KNTC1: variants seen among roughly 807,000 people sequenced by gnomAD.
The protein encoded by KNTC1 is kinetochore associated 1.
A neutral mutation model predicts 314.4 loss-of-function variants in KNTC1; 253 were observed. That is an observed-to-expected ratio of 0.80 (90% confidence interval 0.73 to 0.89). The LOEUF (loss-of-function observed/expected upper bound fraction) is 0.89, where lower values mean the gene tolerates loss of function less well. Among genes scored for constraint, KNTC1 ranks in the 40% least tolerant of loss-of-function variants. The pLI, the probability that KNTC1 is intolerant of heterozygous loss-of-function variation, is 0.00. For missense variants in KNTC1, 2,475 were observed against 2,572.9 expected (o/e 0.96, Z 0.82); for synonymous variants, 901 against 901.4 (o/e 1.00, Z 0.01).
intron 63 of KNTC1, among the ~76,000 whole-genome samples, chr12:122,625,154 C>T (rs978253359): frequency 3.3e-5 from 5 of 152,120 alleles, no homozygotes; most frequent in Admixed American, 6.6e-5. Flanking sequence ...CCTGTAATCC[C>T]AGCACTTTGG....
chr12:122,557,480 G>A lies in KNTC1; in HGVS notation c.1369G>A (p.Asp457Asn), dbSNP rs766666311. 1.2e-5 allele frequency: 19 copies of A among 1,613,584 alleles called. No homozygotes were observed. The highest frequency in any genetic ancestry group is 4.5e-5 in the East Asian group (2 of 44,880). ...EQTEWQQLVD[D>N]AKENLHKIQD... ...GACCGAATGGCAACAACTTGTAGAC[G>A]ACGCTAAGGAAAATCTACATAAGAT... The change falls in exon 17 of 64, where the codon GAC becomes AAC. Residue 457 changes from aspartate to asparagine, a missense_variant. Coordinates refer to ENST00000333479, the MANE Select transcript of KNTC1 (RefSeq NM_014708.6).
At chr12:122,604,499 A>T (rs1236438000) in intron 48 of KNTC1, 65 bp from the exon 49 acceptor site, 1 of 979,490 alleles carries the variant, frequency 1.0e-6, no homozygotes, top group Non-Finnish European at 1.5e-6. Flanking sequence ...ACCAAAATAC[A>T]TTTTCTTGAA....
At chr12:122,561,872 A>G (rs1295025460) in intron 18 of KNTC1, 49 bp from the exon 19 acceptor site, 11 of 1,444,664 alleles carry the variant, frequency 7.6e-6, no homozygotes, top group Non-Finnish European at 1.0e-5. Flanking sequence ...CATTTAGGAA[A>G]TAAACAGTAG....
rs1251886853 is a variant in KNTC1 at position 122,579,899 on chromosome 12, T to G, written c.2842-6T>G. ...ATTTTATTTCGCTTTATTTATTTATTTTTAGGGCAAGGCCTGGAGAATGTC... is the reference window on the plus strand; with the variant it reads ...ATTTTATTTCGCTTTATTTATTTATGTTTAGGGCAAGGCCTGGAGAATGTC... On this transcript the variant is annotated splice_region_variant and splice_polypyrimidine_tract_variant and intron_variant, in intron 31 of 63. Transcript: ENST00000333479. The G allele has an allele frequency of 3.8e-6, 6 of 1,598,230 alleles. No individual in the cohort carries two copies. In the Admixed American group the frequency reaches 1.0e-4, roughly 27 times the overall value.
At chr12:122,569,303 T>C (rs956563348) in intron 21 of KNTC1, among the ~76,000 whole-genome samples, 4 of 152,206 alleles carry the variant, frequency 2.6e-5, no homozygotes, top group African/African-American at 4.8e-5. Flanking sequence ...TTAAAATTGC[T>C]TGTCTCGATC....
At chr12:122,620,840 A>G (rs545947110) in intron 60 of KNTC1, among the ~76,000 whole-genome samples, 46 of 152,350 alleles carry the variant, frequency 3.0e-4, no homozygotes, top group African/African-American at 1.0e-3. Context: ...CAGTGGGGAA[A>G]CAAGTGATTA....
At chr12:122,546,517 C>A in intron 9 of KNTC1, 105 bp from the exon 10 acceptor site, 1 of 768,626 alleles carries the variant, frequency 1.3e-6, no homozygotes. Flanking sequence ...AAAATGGGAC[C>A]TAGTAATTAT....
rs371795435 is a variant in KNTC1, at chr12:122,610,875, T to C, written c.5597T>C (p.Phe1866Ser). ...ATTGATTATAGTTCAAGAATGCTGTTTGTATTTGCAACATCAACTACAACC... is the reference window on the plus strand; with the variant it reads ...ATTGATTATAGTTCAAGAATGCTGTCTGTATTTGCAACATCAACTACAACC... ...RPIDYSSRML[F>S]VFATSTTTTL... is the part of the protein sequence containing the mutation. Residue 1866 changes from phenylalanine to serine, a missense_variant, in exon 53 of 64, where the codon TTT becomes TCT. By Grantham distance (155) the Phe-to-Ser change is radical. Transcript: ENST00000333479. 5.8e-5 allele frequency: 94 copies of C among 1,613,234 alleles called. No individual in the cohort carries two copies. The highest frequency in any genetic ancestry group is 7.9e-5 in the Non-Finnish European group (93 of 1,179,374).
At chr12:122,585,421 G>A (rs150926687) in intron 36 of KNTC1, among the ~76,000 whole-genome samples, 1 of 152,152 alleles carries the variant, frequency 6.6e-6, no homozygotes, top group Non-Finnish European at 1.5e-5. Flanking sequence ...GGAAAACAAC[G>A]TAAGGGCATG....
Position 122,563,703 on chromosome 12 carries a change from A to C in KNTC1, c.1604+1004A>C, listed in dbSNP as rs982911635. 4 of 1,224,034 alleles carry C rather than the reference A, an allele frequency of 3.3e-6. No individual in the cohort carries two copies. The African/African-American group carries it at 6.3e-5, about 19-fold the overall frequency. The allele number at this position is 1,224,034 out of a possible 1,614,324, so 75.8% of individuals were successfully genotyped here. A position where few individuals can be genotyped will look rare whatever the true frequency, so the allele number is the denominator to read the frequency against. ...ATTGAGTAATAGCCATAAAAATTGG[A>C]TTTACTTATATTTTACTTAGTGAAA... On this transcript the variant is annotated intron_variant, in intron 20 of 63. Transcript: ENST00000333479.
chr12:122,549,915 C>A, intron 13 of KNTC1, 51 bp downstream of exon 13: 1 of 987,406 alleles, frequency 1.0e-6, no homozygotes, highest in Non-Finnish European at 1.6e-6. Context: ...TTTTCTTTAT[C>A]TGGTATCTAA....
intron 63 of KNTC1, among the ~76,000 whole-genome samples, chr12:122,625,545 C>T (rs1313730430): frequency 6.8e-6 from 1 of 147,840 alleles, no homozygotes; most frequent in Non-Finnish European, 1.5e-5. Flanking sequence ...CCAGCCTGGG[C>T]GACAAGAGCA....
At chr12:122,589,465 A>T (rs956694999) in intron 40 of KNTC1, among the ~76,000 whole-genome samples, 3 of 141,058 alleles carry the variant, frequency 2.1e-5, no homozygotes, top group Non-Finnish European at 3.0e-5. Context: ...TCTTTAAAAA[A>T]ATTGTGTTTT....
rs1158863371 is a variant in KNTC1, at chr12:122,589,360, A to T, written c.3999+544A>T. Among the ~76,000 whole-genome samples, 3 of 151,918 alleles carry T rather than the reference A, an allele frequency of 2.0e-5. No homozygotes were observed. The East Asian group carries it at 5.8e-4, about 29-fold the overall frequency. The stretch of plus-strand genomic sequence containing the variant: ...TTTTAAATATTAGATTTTTTATTAG[A>T]TGTTTTTAAATATTAGAAATATTTA... On this transcript the variant is annotated intron_variant, in intron 40 of 63. Transcript: ENST00000333479.
At chr12:122,613,431 T>C (rs1181560308) in intron 54 of KNTC1, 195 bp from the exon 55 acceptor site, 1 of 659,084 alleles carries the variant, frequency 1.5e-6, no homozygotes, top group African/African-American at 1.8e-5. Context: ...CTTGGAGACA[T>C]TTAGAAACTG....
At chr12:122,594,533 G>T (rs1593640055) in intron 43 of KNTC1, 148 bp downstream of exon 43, 1 of 597,502 alleles carries the variant, frequency 1.7e-6, no homozygotes, top group East Asian at 2.8e-5. Context: ...TATGAAATCA[G>T]ATTAGAGTCT....
chr12:122,607,999 C>A (rs1401404815), intron 51 of KNTC1, among the ~76,000 whole-genome samples: 1 of 152,162 alleles, frequency 6.6e-6, no homozygotes, highest in Non-Finnish European at 1.5e-5. Flanking sequence ...ATCATTTCTT[C>A]TGAATTTTCA....
chr12:122,611,892 A>G (rs1873167111), intron 53 of KNTC1: 2 of 151,126 alleles, frequency 1.3e-5, no homozygotes, highest in Admixed American at 6.6e-5. Context: ...CAGCAAATTC[A>G]TGTTTGGTTT....
At chr12:122,597,206 C>G (rs1193457890) in intron 43 of KNTC1, 1 of 147,522 alleles carries the variant, frequency 6.8e-6, no homozygotes, top group African/African-American at 2.5e-5. Flanking sequence ...CTCCAATATT[C>G]TAACAGTTTA....
Sources: gnomAD v4.1 joint callset for allele counts (sites outside exome capture counted in the v4.1 genomes callset) on GRCh38, gnomAD v4.1.1 for gene constraint, MANE v1.5 for transcripts, NCBI Gene and HGNC (gene_info 2026-07-23, HGNC 2026-07-21) for gene names.